BCL2: variants seen among roughly 807,000 people sequenced by gnomAD.
BCL2 encodes BCL2 apoptosis regulator, also known as apoptosis regulator Bcl-2.
Under a neutral mutation model 14.2 loss-of-function variants are expected in BCL2, and 1 was observed. That is an observed-to-expected ratio of 0.07 (90% CI 0.02 to 0.33). The LOEUF is 0.33. BCL2 is among the 10% of genes least tolerant of loss of function. BCL2 has a pLI of 0.99. For missense variants in BCL2, 247 were observed against 305.9 expected (o/e 0.81, Z 1.44); for synonymous variants, 151 against 137.2 (o/e 1.10, Z -0.70).
chr18:63,133,290 T>G (rs1304582933), intron 2 of BCL2, among the ~76,000 whole-genome samples: 2 of 151,152 alleles, frequency 1.3e-5, no homozygotes, highest in Non-Finnish European at 2.9e-5. Context: ...TCCTCCAACA[T>G]TTTCCTTTTC....
intron 2 of BCL2, among the ~76,000 whole-genome samples, chr18:63,295,154 A>T (rs962495772): frequency 6.6e-5 from 10 of 151,638 alleles, no homozygotes; most frequent in African/African-American, 2.4e-4. Context: ...ACAGAGCGAG[A>T]CTCCATCTCA....
At chr18:63,219,987 C>CA (rs1432568178) in intron 2 of BCL2, among the ~76,000 whole-genome samples, 1 of 152,162 alleles carries the variant, frequency 6.6e-6, no homozygotes. Flanking sequence ...TTCCAGAAGA[C>CA]AGAGTGGTTG....
At chr18:63,155,118 C>T (rs891471663) in intron 2 of BCL2, among the ~76,000 whole-genome samples, 3 of 152,208 alleles carry the variant, frequency 2.0e-5, no homozygotes, top group East Asian at 1.9e-4. Context: ...ACAACATCAA[C>T]CACAAAGGCT....
At chr18:63,184,004 A>G (rs1915536430) in intron 2 of BCL2, among the ~76,000 whole-genome samples, 1 of 152,226 alleles carries the variant, frequency 6.6e-6, no homozygotes, top group Non-Finnish European at 1.5e-5. Flanking sequence ...GCACAGACGC[A>G]TGACAGAGCA....
At chr18:63,283,620 T>C (rs1393985709) in intron 2 of BCL2, among the ~76,000 whole-genome samples, 1 of 152,234 alleles carries the variant, frequency 6.6e-6, no homozygotes, top group Non-Finnish European at 1.5e-5. Flanking sequence ...CTTCTGCTCA[T>C]GGGAACCGTA....
chr18:63,317,336 T>C (rs906578692), intron 2 of BCL2: 2 of 162,684 alleles, frequency 1.2e-5, no homozygotes, highest in African/African-American at 4.8e-5. Flanking sequence ...ACACAAATTA[T>C]AGAATACAAA....
intron 2 of BCL2, among the ~76,000 whole-genome samples, chr18:63,304,134 T>C (rs1257606096): frequency 6.6e-6 from 1 of 152,202 alleles, no homozygotes; most frequent in Non-Finnish European, 1.5e-5. Flanking sequence ...CCTGTTTTCA[T>C]TACTTTGTGG....
chr18:63,308,454 T>G (rs148258550), intron 2 of BCL2, among the ~76,000 whole-genome samples: 1 of 152,306 alleles, frequency 6.6e-6, no homozygotes, highest in African/African-American at 2.4e-5. Context: ...CAGTCTGGGT[T>G]AGGCTTGAGA....
At chr18:63,185,629 C>T (rs1307035267) in intron 2 of BCL2, among the ~76,000 whole-genome samples, 1 of 152,214 alleles carries the variant, frequency 6.6e-6, no homozygotes, top group Non-Finnish European at 1.5e-5. Context: ...TTCTGCTGAT[C>T]TGTGGCAGAG....
chr18:63,264,844 T>C (rs1418902434), intron 2 of BCL2, among the ~76,000 whole-genome samples: 1 of 320 alleles, frequency 3.1e-3, no homozygotes, highest in Non-Finnish European at 5.9e-3. Context: ...CTAACTTCTT[T>C]GGTCAAAGAT....
chr18:63,134,193 C>CT (rs1914148410), intron 2 of BCL2, among the ~76,000 whole-genome samples: 1 of 152,102 alleles, frequency 6.6e-6, no homozygotes, highest in East Asian at 1.9e-4. Context: ...GATTTTTTTC[C>CT]TTAGCTGTCT....
intron 2 of BCL2, among the ~76,000 whole-genome samples, chr18:63,308,770 A>T (rs995485647): frequency 6.6e-6 from 1 of 152,134 alleles, no homozygotes; most frequent in African/African-American, 2.4e-5. Context: ...ACACACACAC[A>T]CACAAACACA....
chr18:63,174,681 G>A (rs774808134), intron 2 of BCL2, among the ~76,000 whole-genome samples: 6 of 151,936 alleles, frequency 3.9e-5, no homozygotes, highest in East Asian at 1.9e-4. Context: ...CTAGCCGGGC[G>A]TAGTGGCAGG....
At chr18:63,176,950 C>G (rs1915364994) in intron 2 of BCL2, among the ~76,000 whole-genome samples, 1 of 150,454 alleles carries the variant, frequency 6.6e-6, no homozygotes, top group African/African-American at 2.5e-5. Context: ...GGGTCTCACT[C>G]CCATCTTCTG....
chr18:63,172,022 A>G (rs1004181125), intron 2 of BCL2, among the ~76,000 whole-genome samples: 1 of 152,254 alleles, frequency 6.6e-6, no homozygotes, highest in Admixed American at 6.5e-5. Context: ...CAAATTAGAT[A>G]GAATATCAAA....
intron 2 of BCL2, among the ~76,000 whole-genome samples, chr18:63,306,893 C>T (rs963450103): frequency 3.4e-5 from 5 of 147,226 alleles, no homozygotes; most frequent in Non-Finnish European, 7.4e-5. Flanking sequence ...GCGTATTTTA[C>T]GTGTGGCCCA....
At chr18:63,224,997 GAA>G (rs1491108472) in intron 2 of BCL2, among the ~76,000 whole-genome samples, 1 of 152,016 alleles carries the variant, frequency 6.6e-6, no homozygotes, top group African/African-American at 2.4e-5. Context: ...GGCCGAGAGA[GAA>G]GTCTAGCTAG....
chr18:63,195,157 A>AGCTGG lies in BCL2; in HGVS notation c.586-66403_586-66399dup, dbSNP rs138443412. On this transcript the variant is annotated intron_variant, in intron 2 of 2. Coordinates refer to ENST00000333681, the MANE Select transcript of BCL2 (RefSeq NM_000633.3). Reference sequence around the variant, plus strand: ...GGATGGAAACCTCCCTTGCTCACAAAGCTGGGGATTGGGAGCTAACTCTGC... The same window carrying AGCTGG: ...GGATGGAAACCTCCCTTGCTCACAAAGCTGGGCTGGGGATTGGGAGCTAACTCTGC... 1.4e-3 allele frequency among the ~76,000 whole-genome samples: 215 copies of AGCTGG among 152,320 alleles called. 1 individual carries two copies. The highest frequency in any genetic ancestry group is 0.01 in the Middle Eastern group (3 of 294).
At chr18:63,263,445 T>C (rs1911720058) in intron 2 of BCL2, among the ~76,000 whole-genome samples, 1 of 152,110 alleles carries the variant, frequency 6.6e-6, no homozygotes, top group Admixed American at 6.5e-5. Flanking sequence ...TTAATTAAGA[T>C]GGGGGTGAGG....
Sources: gnomAD v4.1 joint callset for allele counts (sites outside exome capture counted in the v4.1 genomes callset) on GRCh38, gnomAD v4.1.1 for gene constraint, MANE v1.5 for transcripts, NCBI Gene and HGNC (gene_info 2026-07-23, HGNC 2026-07-21) for gene names.